WDR7: variants seen among roughly 807,000 people sequenced by gnomAD.
The protein encoded by WDR7 is WD repeat-containing protein 7.
A neutral mutation model predicts 169.4 loss-of-function variants in WDR7; 46 were observed. The ratio of observed to expected loss-of-function variants is 0.27; its 90% CI spans 0.21 to 0.35. The LOEUF is 0.35. WDR7 is among the 10% of genes least tolerant of loss of function. The pLI, the probability that WDR7 is intolerant of heterozygous loss-of-function variation, is 1.00. For synonymous variants in WDR7, 612 were observed against 666.8 expected, an observed-to-expected ratio of 0.92 and a Z score of 1.27; for missense variants, 1,534 against 1,859.3, an observed-to-expected ratio of 0.83 and a Z score of 3.22.
At chr18:56,741,996 G>A (rs2043627988) in intron 14 of WDR7, among the ~76,000 whole-genome samples, 1 of 152,094 alleles carries the variant, frequency 6.6e-6, no homozygotes, top group Admixed American at 6.5e-5. Context: ...CATATAATAG[G>A]TGTTCAATGG....
intron 26 of WDR7, among the ~76,000 whole-genome samples, chr18:56,965,000 A>T (rs551096195): frequency 1.1e-3 from 174 of 152,338 alleles, no homozygotes; most frequent in African/African-American, 4.1e-3. Flanking sequence ...GATTCATAGT[A>T]TGGGTAGCAT....
chr18:56,926,841 G>A (rs113159471), intron 22 of WDR7, among the ~76,000 whole-genome samples: 5 of 152,274 alleles, frequency 3.3e-5, no homozygotes, highest in African/African-American at 1.2e-4. Context: ...TGTTACATCC[G>A]TGACACACTC....
At chr18:56,810,591 C>G (rs2044851229) in intron 19 of WDR7, among the ~76,000 whole-genome samples, 1 of 151,796 alleles carries the variant, frequency 6.6e-6, no homozygotes, top group South Asian at 2.1e-4. Flanking sequence ...AAAATTATGC[C>G]TTTCTGAAAC....
Position 57,027,527 on chromosome 18 carries a change from AAATC to A in WDR7, c.*324_*327del, listed in dbSNP as rs2048384280. 2.1e-5 allele frequency: 8 copies of A among 386,538 alleles called. No individual in the cohort carries two copies. The South Asian group carries it at 2.4e-4, about 12-fold the overall frequency. 23.9% of individuals were successfully genotyped at this position (386,538 alleles called of 1,614,324 possible). A position where few individuals can be genotyped will look rare whatever the true frequency, so the allele number is the denominator to read the frequency against. On this transcript the variant is annotated 3_prime_UTR_variant, in exon 28 of 28. Transcript: ENST00000254442. Reference sequence around the variant, plus strand: ...GTTGCTTGGTGCAACAGAAGCACAAAAATCAATAAACACTGTGATTGCACTCCCA... The same window carrying A: ...GTTGCTTGGTGCAACAGAAGCACAAAAATAAACACTGTGATTGCACTCCCA...
rs1168985813 is a variant in WDR7, at chr18:56,680,262, G to A, written c.266+824G>A. Among the ~76,000 whole-genome samples the A allele has an allele frequency of 3.3e-5, 5 of 152,252 alleles. No individual in the cohort carries two copies. In the East Asian group the frequency reaches 9.7e-4, roughly 29 times the overall value. The stretch of plus-strand genomic sequence containing the variant: ...AGTCTGAGCTACTTAGGAGGCTGAG[G>A]TGGTAGGATCACCCGAGCCCAGGAG... On this transcript the variant is annotated intron_variant, in intron 3 of 27. Transcript: ENST00000254442.
intron 22 of WDR7, among the ~76,000 whole-genome samples, chr18:56,931,906 G>C (rs1330083355): frequency 6.6e-6 from 1 of 152,168 alleles, no homozygotes; most frequent in Non-Finnish European, 1.5e-5. Context: ...GTGTTGAAAA[G>C]AGTGAGTTGA....
At chr18:57,017,716 G>A (rs966612828) in intron 26 of WDR7, among the ~76,000 whole-genome samples, 1 of 152,188 alleles carries the variant, frequency 6.6e-6, no homozygotes, top group South Asian at 2.1e-4. Context: ...TGGCAGTAAA[G>A]CAAGACAGTG....
At chr18:56,801,646 T>TC (rs766794513) in intron 19 of WDR7, among the ~76,000 whole-genome samples, 5 of 152,336 alleles carry the variant, frequency 3.3e-5, no homozygotes, top group Non-Finnish European at 5.9e-5. Flanking sequence ...ATCACTCATC[T>TC]GTTTTCCATC....
intron 26 of WDR7, among the ~76,000 whole-genome samples, chr18:56,995,341 T>C (rs546963843): frequency 3.3e-5 from 5 of 152,318 alleles, no homozygotes; most frequent in South Asian, 2.1e-4. Context: ...GTATGAAATA[T>C]GTGGTTTCAT....
At chr18:56,944,283 C>T (rs533286706) in intron 25 of WDR7, among the ~76,000 whole-genome samples, 4 of 152,200 alleles carry the variant, frequency 2.6e-5, no homozygotes, top group South Asian at 4.2e-4. Flanking sequence ...TGAGCCACTG[C>T]GCCCAGCCAG....
chr18:56,960,238 T>C (rs954048901), intron 25 of WDR7, among the ~76,000 whole-genome samples: 2 of 152,152 alleles, frequency 1.3e-5, no homozygotes, highest in African/African-American at 2.4e-5. Flanking sequence ...TAAATAATGG[T>C]GTTTGTAGAT....
chr18:56,872,403 T>G (rs1330415275), intron 20 of WDR7, among the ~76,000 whole-genome samples: 3 of 152,158 alleles, frequency 2.0e-5, no homozygotes, highest in African/African-American at 2.4e-5. Flanking sequence ...CTTAAACTTC[T>G]CAAATATTTT....
At chr18:56,807,553 A>G (rs1048263661) in intron 19 of WDR7, among the ~76,000 whole-genome samples, 1 of 152,164 alleles carries the variant, frequency 6.6e-6, no homozygotes. Context: ...TATCCCATTA[A>G]TATTCTATTG....
intron 7 of WDR7, among the ~76,000 whole-genome samples, chr18:56,688,043 C>T (rs1049350970): frequency 5.9e-5 from 9 of 152,170 alleles, no homozygotes; most frequent in Admixed American, 5.2e-4. Context: ...AGACTGCTTA[C>T]CACAGGAGGA....
intron 25 of WDR7, among the ~76,000 whole-genome samples, chr18:56,948,570 G>A (rs554405102): frequency 6.6e-6 from 1 of 152,254 alleles, no homozygotes; most frequent in East Asian, 1.9e-4. Flanking sequence ...CCTAATAAAT[G>A]GCATCAGTTC....
At chr18:56,670,762 T>C (rs548266335) in intron 1 of WDR7, among the ~76,000 whole-genome samples, 79 of 152,250 alleles carry the variant, frequency 5.2e-4, no homozygotes, top group Non-Finnish European at 1.0e-3. Context: ...CTGCCGACCT[T>C]GGCCTCCCAA....
At chr18:56,655,213 C>A (rs1258678313) in intron 1 of WDR7, among the ~76,000 whole-genome samples, 2 of 152,210 alleles carry the variant, frequency 1.3e-5, no homozygotes, top group Admixed American at 6.5e-5. Context: ...TCAATAGTTA[C>A]AATTTATACC....
intron 17 of WDR7, among the ~76,000 whole-genome samples, chr18:56,777,878 G>A (rs151334992): frequency 1.2e-4 from 18 of 152,182 alleles, no homozygotes; most frequent in Admixed American, 5.9e-4. Context: ...TGTTAAGACC[G>A]AATTTTAGCA....
At chr18:56,888,628 T>C (rs2046227958) in intron 21 of WDR7, among the ~76,000 whole-genome samples, 1 of 152,208 alleles carries the variant, frequency 6.6e-6, no homozygotes, top group African/African-American at 2.4e-5. Flanking sequence ...ATTATTAGAA[T>C]GTTTTAAGGT....
Sources: gnomAD v4.1 joint callset for allele counts (sites outside exome capture counted in the v4.1 genomes callset) on GRCh38, gnomAD v4.1.1 for gene constraint, MANE v1.5 for transcripts, NCBI Gene and HGNC (gene_info 2026-07-23, HGNC 2026-07-21) for gene names.